Variants in CEBPZ observed in about 807,000 individuals in gnomAD.
The protein encoded by CEBPZ is CCAAT enhancer binding protein zeta, also known as CCAAT/enhancer-binding protein zeta.
Under a neutral mutation model 104.5 loss-of-function variants are expected in CEBPZ, and 78 were observed. That is an observed-to-expected ratio of 0.75 (90% CI 0.62 to 0.90). CEBPZ has a LOEUF of 0.90. Ranked by LOEUF, CEBPZ falls within the 40% of genes least tolerant of loss-of-function variation. CEBPZ has a pLI of 0.00. For missense variants in CEBPZ, 1,439 were observed against 1,233.5 expected, an observed-to-expected ratio of 1.17 and a Z score of -2.50; for synonymous variants, 470 against 427.0, an observed-to-expected ratio of 1.10 and a Z score of -1.24.
At chr2:37,221,311 C>T (rs1664766811) in intron 4 of CEBPZ, among the ~76,000 whole-genome samples, 1 of 152,034 alleles carries the variant, frequency 6.6e-6, no homozygotes. Context: ...CATAGTGAGA[C>T]CCTGTCTCAA....
At chr2:37,202,000 C>G in intron 15 of CEBPZ, 97 bp from the exon 16 acceptor site, 1 of 1,194,996 alleles carries the variant, frequency 8.4e-7, no homozygotes, top group Non-Finnish European at 1.2e-6. Context: ...TTCTAGCCTG[C>G]CTTGGCCTGT....
At chr2:37,221,076 T>G (rs2148358299) in intron 4 of CEBPZ, among the ~76,000 whole-genome samples, 2 of 152,294 alleles carry the variant, frequency 1.3e-5, no homozygotes, top group Non-Finnish European at 2.9e-5. Context: ...TCCCAGCACT[T>G]TGGGAGGCCA....
At chr2:37,231,294 G>A (rs773135760) in intron 1 of CEBPZ, 118 bp downstream of exon 1, 1 of 1,366,890 alleles carries the variant, frequency 7.3e-7, no homozygotes, top group African/African-American at 1.4e-5. Context: ...TTCAGAGGCT[G>A]GGATCTCGGT....
chr2:37,208,406 G>A (rs1456441804), intron 13 of CEBPZ, among the ~76,000 whole-genome samples: 1 of 152,030 alleles, frequency 6.6e-6, no homozygotes, highest in Non-Finnish European at 1.5e-5. Context: ...CAAAATACTA[G>A]CTAACCAACT....
intron 10 of CEBPZ, chr2:37,213,661 G>C (rs1281972334): frequency 2.2e-6 from 1 of 445,596 alleles, no homozygotes; most frequent in Non-Finnish European, 4.0e-6. Flanking sequence ...CAATCTTCCT[G>C]CCTCGGCCTG....
At position 37,212,024 on chromosome 2, in the gene CEBPZ, T is replaced by C. The variant is rs758518352; in HGVS notation, c.2619A>G (p.Arg873=). The C allele has an allele frequency of 6.3e-7, 1 of 1,582,964 alleles. No individual in the cohort carries two copies. Among genetic ancestry groups the C allele is most frequent in the South Asian group, 1.2e-5 (1 of 85,274 alleles). The change falls in exon 12 of 16, where the codon AGA becomes AGG. Residue 873 remains arginine (R), a synonymous_variant. Coordinates refer to ENST00000234170, the MANE Select transcript of CEBPZ (RefSeq NM_005760.3). ...ATGTGTTATCCTTAGCTCCTTTTGT[T>C]CTCTTTTTCACGTTTCTGGAAAAAA... ...DMDFAGNVKK[R]TKGAKDNTLD...
At position 37,216,325 on chromosome 2, in the gene CEBPZ, T is replaced by G. The variant is rs766469111; in HGVS notation, c.2302A>C (p.Lys768Gln). The part of the protein sequence containing the change: ...RFVYRNPKPH[K>Q]GKENTDSVVM... ...CTAAATAGAAGCATACCTTTGCCTT[T>G]ATGGGGCTTTGGATTTCGGTATACA... Residue 768 changes from lysine to glutamine, a missense_variant, in exon 7 of 16, where the codon AAA becomes CAA. Physicochemically the swap from Lys to Gln is moderately conservative, Grantham distance 53 (BLOSUM62 1). Transcript: ENST00000234170. The G allele has an allele frequency of 2.7e-5, 43 of 1,613,432 alleles. No individual in the cohort carries two copies. The highest frequency in any genetic ancestry group is 3.2e-5 in the Non-Finnish European group (38 of 1,179,718).
rs549512112 is a variant in CEBPZ, at chr2:37,206,704, G to A, written c.2885-3696C>T. 4.4e-4 allele frequency among the ~76,000 whole-genome samples: 67 copies of A among 152,202 alleles called. 3 individuals carry two copies. The South Asian group carries it at 0.013, about 31-fold the overall frequency. On this transcript the variant is annotated intron_variant, in intron 13 of 15. Transcript: ENST00000234170. Reference sequence around the variant, plus strand: ...AAACCTTGAAGTACACCAAAATAGAGCCTTCTTAAAACCTAAATCTTACAG... The same window carrying A: ...AAACCTTGAAGTACACCAAAATAGAACCTTCTTAAAACCTAAATCTTACAG...
In CEBPZ at chr2:37,223,374, C is replaced by T. The variant is rs1572507152; in HGVS notation, c.1677G>A (p.Thr559=). The T allele has an allele frequency of 2.5e-6, 4 of 1,614,132 alleles. No individual in the cohort carries two copies. The highest frequency in any genetic ancestry group is 2.5e-6 in the Non-Finnish European group (3 of 1,179,994). Residue 559 remains threonine, a synonymous_variant, in exon 3 of 16, where the codon ACG becomes ACA. Coordinates refer to ENST00000234170, the MANE Select transcript of CEBPZ (RefSeq NM_005760.3). ...YRKMLDPGLM[T]CSKQAMFLNL... Reference sequence around the variant, plus strand: ...TAAGAAACATAGCTTGCTTGGAACACGTCATCAACCCTGGATCCAACATCT... The same window carrying T: ...TAAGAAACATAGCTTGCTTGGAACATGTCATCAACCCTGGATCCAACATCT...
At chr2:37,206,595 T>A (rs1256362297) in intron 13 of CEBPZ, among the ~76,000 whole-genome samples, 1 of 152,154 alleles carries the variant, frequency 6.6e-6, no homozygotes, top group East Asian at 1.9e-4. Flanking sequence ...TGACTTCAGG[T>A]GATGCCCGCC....
chr2:37,227,122 G>T (rs2075215), intron 2 of CEBPZ, among the ~76,000 whole-genome samples: 7,926 of 152,282 alleles, frequency 0.052, 751 homozygotes, highest in East Asian at 0.36. Context: ...GTTACTGTGT[G>T]AATGCATTCA....
Position 37,228,236 on chromosome 2 carries a change from G to T in CEBPZ, c.957C>A (p.Ser319=). ...TATCTCTTGAGTCCTTGTTGCCACT[G>T]GACAACTGTTCCAGTTTGTCAAAAG... ...QRPFDKLEQL[S]SGNKDSRDRR... is the part of the protein sequence containing the mutation. The change falls in exon 2 of 16, where the codon TCC becomes TCA. Residue 319 remains serine (S), a synonymous_variant. Transcript: ENST00000234170. 1.2e-6 allele frequency: 2 copies of T among 1,614,132 alleles called. No individual in the cohort carries two copies. The highest frequency in any genetic ancestry group is 1.7e-6 in the Non-Finnish European group (2 of 1,179,996).
chr2:37,229,608 G>A (rs144803341), intron 1 of CEBPZ, among the ~76,000 whole-genome samples: 425 of 152,338 alleles, frequency 2.8e-3, no homozygotes, highest in Non-Finnish European at 4.5e-3. Flanking sequence ...GTTGATGTGA[G>A]TGTAAACTGA....
intron 10 of CEBPZ, chr2:37,213,512 A>T (rs1470289549): frequency 5.9e-6 from 1 of 169,222 alleles, no homozygotes; most frequent in African/African-American, 2.4e-5. Flanking sequence ...CCTGGATTCA[A>T]GCGATTCTCG....
At chr2:37,229,323 G>A (rs971009492) in intron 1 of CEBPZ, among the ~76,000 whole-genome samples, 2 of 152,010 alleles carry the variant, frequency 1.3e-5, no homozygotes, top group Non-Finnish European at 2.9e-5. Flanking sequence ...AAGTAATTGG[G>A]TTTAATCCCT....
chr2:37,210,966 T>C (rs1209851834), intron 13 of CEBPZ, 33 bp downstream of exon 13: 1 of 1,491,700 alleles, frequency 6.7e-7, no homozygotes, highest in South Asian at 1.2e-5. Flanking sequence ...ACATGGACAC[T>C]GCTTTTAAAA....
rs761016117 is a variant in CEBPZ at position 37,228,552 on chromosome 2, T to C, written c.641A>G (p.Gln214Arg). The C allele has an allele frequency of 1.3e-5, 21 of 1,614,138 alleles. 1 individual carries two copies. The highest frequency in any genetic ancestry group is 6.7e-5 in the East Asian group (3 of 44,904). ...KYKTLAQKLY[Q>R]HEINLFKSKT... ...ACTTTTGAATAAGTTGATTTCATGCTGATACAGCTTCTGAGCAAGGGTTTT... is the reference window on the plus strand; with the variant it reads ...ACTTTTGAATAAGTTGATTTCATGCCGATACAGCTTCTGAGCAAGGGTTTT... The change falls in exon 2 of 16, where the codon CAG becomes CGG. Residue 214 changes from glutamine to arginine, a missense_variant. Gln to Arg is a conservative substitution (Grantham distance 43, BLOSUM62 1). Coordinates refer to ENST00000234170, the MANE Select transcript of CEBPZ (RefSeq NM_005760.3).
intron 15 of CEBPZ, chr2:37,202,187 A>C: frequency 2.8e-5 from 6 of 217,628 alleles, no homozygotes; most frequent in Non-Finnish European, 3.6e-5. Context: ...AACAATCAAT[A>C]TGTAAAAACG....
chr2:37,215,846 G>A (rs952308485), intron 8 of CEBPZ, among the ~76,000 whole-genome samples: 4 of 151,572 alleles, frequency 2.6e-5, no homozygotes, highest in African/African-American at 2.4e-5. Flanking sequence ...AGCTACGGAT[G>A]ATAAAATGGT....
Sources: allele counts gnomAD v4.1 joint callset (sites outside exome capture counted in the v4.1 genomes callset), GRCh38; gene constraint gnomAD v4.1.1; transcripts MANE v1.5; gene names NCBI Gene and HGNC (gene_info 2026-07-23, HGNC 2026-07-21).